Variants in CDH18 observed in about 807,000 individuals in gnomAD.
The protein encoded by CDH18 is cadherin 18, also known as cadherin-18.
Under a neutral mutation model 67.9 loss-of-function variants are expected in CDH18, and 31 were observed. The ratio of observed to expected loss-of-function variants is 0.46; its 90% CI spans 0.34 to 0.62. CDH18 has a LOEUF of 0.62. Ranked by LOEUF, CDH18 falls within the 20% of genes least tolerant of loss-of-function variation. The pLI is 0.01. For missense variants in CDH18, 890 were observed against 975.5 expected (o/e 0.91, Z 1.17); for synonymous variants, 362 against 347.2 (o/e 1.04, Z -0.48).
intron 1 of CDH18, among the ~76,000 whole-genome samples, chr5:20,445,508 A>T (rs1231365488): frequency 6.6e-6 from 1 of 152,248 alleles, no homozygotes; most frequent in Non-Finnish European, 1.5e-5. Context: ...GGTCAAGACT[A>T]TTGTGATAAA....
chr5:19,845,963 C>T (rs1174261071), intron 2 of CDH18, among the ~76,000 whole-genome samples: 1 of 151,758 alleles, frequency 6.6e-6, no homozygotes, highest in East Asian at 1.9e-4. Flanking sequence ...TTCATTCAGC[C>T]ACTATTTTTT....
At chr5:20,304,187 T>A in intron 1 of CDH18, 2 of 1,521,924 alleles carry the variant, frequency 1.3e-6, no homozygotes, top group South Asian at 2.2e-5. Flanking sequence ...AAAAACGTTA[T>A]TTTTCCCTGT....
chr5:20,567,526 CA>C (rs1758583127), intron 1 of CDH18, among the ~76,000 whole-genome samples: 1 of 152,166 alleles, frequency 6.6e-6, no homozygotes, highest in Non-Finnish European at 1.5e-5. Context: ...GTACTAGCAA[CA>C]GCTGGAAACC....
At position 20,000,585 on chromosome 5, in the gene CDH18, A is replaced by G. The variant is rs182040493; in HGVS notation, c.-517-8571T>C. ...AGCCAAACATTTTGAAGAGATAGCCAAGAGTCAGTTGGCAATATTAGATTG... is the reference window on the plus strand; with the variant it reads ...AGCCAAACATTTTGAAGAGATAGCCGAGAGTCAGTTGGCAATATTAGATTG... On this transcript the variant is annotated intron_variant, in intron 2 of 14. Coordinates refer to the CDH18 transcript ENST00000507958. 1.8e-3 allele frequency among the ~76,000 whole-genome samples: 268 copies of G among 152,268 alleles called. 3 individuals carry two copies. Among genetic ancestry groups the G allele is most frequent in the South Asian group, 0.016 (78 of 4,830 alleles).
At chr5:19,836,835 T>G (rs2150016638) in intron 3 of CDH18, among the ~76,000 whole-genome samples, 1 of 152,250 alleles carries the variant, frequency 6.6e-6, no homozygotes, top group African/African-American at 2.4e-5. Context: ...CATCTTGAGT[T>G]AATTTTTGTA....
At chr5:20,162,173 C>T (rs1450331271) in intron 2 of CDH18, among the ~76,000 whole-genome samples, 1 of 151,892 alleles carries the variant, frequency 6.6e-6, no homozygotes, top group Non-Finnish European at 1.5e-5. Flanking sequence ...TTTGTAATGT[C>T]CTCAGGGCAA....
At chr5:19,650,506 C>G (rs1346785770) in intron 5 of CDH18, among the ~76,000 whole-genome samples, 1 of 151,968 alleles carries the variant, frequency 6.6e-6, no homozygotes, top group African/African-American at 2.4e-5. Context: ...AACCAAATTT[C>G]CTCCCTACAT....
At chr5:20,480,348 A>G (rs572072634) in intron 1 of CDH18, among the ~76,000 whole-genome samples, 2 of 152,362 alleles carry the variant, frequency 1.3e-5, no homozygotes, top group East Asian at 1.9e-4. Context: ...AGACATAGAC[A>G]GTATAACAAG....
intron 8 of CDH18, among the ~76,000 whole-genome samples, chr5:19,560,564 AG>A (rs1435468388): frequency 6.6e-6 from 1 of 152,178 alleles, no homozygotes; most frequent in Non-Finnish European, 1.5e-5. Flanking sequence ...AATTTCTAGA[AG>A]ATAACATTGG....
At chr5:19,807,012 T>G (rs1052700016) in intron 3 of CDH18, among the ~76,000 whole-genome samples, 1 of 152,198 alleles carries the variant, frequency 6.6e-6, no homozygotes, top group Non-Finnish European at 1.5e-5. Context: ...TACAACTTGT[T>G]ACTGTACTGG....
intron 2 of CDH18, among the ~76,000 whole-genome samples, chr5:20,033,678 A>G (rs959472285): frequency 2.0e-5 from 3 of 152,022 alleles, no homozygotes; most frequent in African/African-American, 4.8e-5. Context: ...TCCATTTACA[A>G]CCAGGTTCTC....
chr5:20,537,086 T>A (rs943056262), intron 1 of CDH18, among the ~76,000 whole-genome samples: 1 of 152,206 alleles, frequency 6.6e-6, no homozygotes, highest in South Asian at 2.1e-4. Flanking sequence ...CTCCAGCCCA[T>A]TGCAGGGACT....
intron 2 of CDH18, among the ~76,000 whole-genome samples, chr5:20,161,601 T>C (rs1391597277): frequency 6.6e-6 from 1 of 152,206 alleles, no homozygotes; most frequent in Non-Finnish European, 1.5e-5. Context: ...TTCCTATAAA[T>C]AGAAGAGATC....
At chr5:20,511,493 T>C (rs1414387187) in intron 1 of CDH18, among the ~76,000 whole-genome samples, 1 of 152,172 alleles carries the variant, frequency 6.6e-6, no homozygotes, top group Non-Finnish European at 1.5e-5. Flanking sequence ...AATATATATA[T>C]TCTAATAGAG....
At chr5:19,956,808 T>G (rs1018002151) in intron 2 of CDH18, among the ~76,000 whole-genome samples, 1 of 151,882 alleles carries the variant, frequency 6.6e-6, no homozygotes, top group East Asian at 1.9e-4. Context: ...ACGATCACTG[T>G]ATTAGAAAAA....
chr5:20,245,584 G>A (rs547203968), intron 2 of CDH18, among the ~76,000 whole-genome samples: 45 of 152,144 alleles, frequency 3.0e-4, no homozygotes, highest in Non-Finnish European at 5.6e-4. Context: ...AACAATCAAA[G>A]AGATCACTAA....
chr5:19,610,871 TG>T (rs1422627358), intron 6 of CDH18, among the ~76,000 whole-genome samples: 1 of 152,152 alleles, frequency 6.6e-6, no homozygotes, highest in Non-Finnish European at 1.5e-5. Context: ...CAATAAAATA[TG>T]GACTTACCTA....
intron 1 of CDH18, among the ~76,000 whole-genome samples, chr5:20,284,354 A>T (rs1190835572): frequency 6.6e-6 from 1 of 151,920 alleles, no homozygotes; most frequent in Non-Finnish European, 1.5e-5. Flanking sequence ...GTAACCCATA[A>T]ATATACGCAC....
At chr5:19,553,633 CTTT>C (rs1021709184) in intron 8 of CDH18, among the ~76,000 whole-genome samples, 1 of 108,774 alleles carries the variant, frequency 9.2e-6, no homozygotes, top group Non-Finnish European at 1.8e-5. Flanking sequence ...TGGTCTCATA[CTTT>C]TTTTTTTTTT....
Sources: allele counts gnomAD v4.1 joint callset (sites outside exome capture counted in the v4.1 genomes callset), GRCh38; gene constraint gnomAD v4.1.1; transcripts MANE v1.5; gene names NCBI Gene and HGNC (gene_info 2026-07-23, HGNC 2026-07-21).